Variants in FANCL observed in about 807,000 individuals in gnomAD.
FANCL encodes the protein FA complementation group L.
A neutral mutation model predicts 59.4 loss-of-function variants in FANCL; 69 were observed. That is an observed-to-expected ratio of 1.16 (90% CI 0.96 to 1.42). The LOEUF (loss-of-function observed/expected upper bound fraction) is 1.42, where lower values mean the gene tolerates loss of function less well. Ranked by LOEUF, FANCL falls within the 40% of genes most tolerant of loss-of-function variation. The pLI, the probability that FANCL is intolerant of heterozygous loss-of-function variation, is 0.00. For synonymous variants in FANCL, 180 were observed against 147.1 expected, an observed-to-expected ratio of 1.22 and a Z score of -1.62; for missense variants, 519 against 447.2, an observed-to-expected ratio of 1.16 and a Z score of -1.45.
intron 7 of FANCL, among the ~76,000 whole-genome samples, chr2:58,191,227 C>T (rs1688889925): frequency 6.6e-6 from 1 of 151,658 alleles, no homozygotes; most frequent in South Asian, 2.1e-4. Context: ...ATTATACTCG[C>T]ATTAAAATAA....
At chr2:58,220,764 A>G (rs1329122291) in intron 5 of FANCL, among the ~76,000 whole-genome samples, 1 of 152,238 alleles carries the variant, frequency 6.6e-6, no homozygotes, top group Non-Finnish European at 1.5e-5. Flanking sequence ...GATGAATAAT[A>G]AGATGTTTAA....
At chr2:58,161,433 A>G (rs1685145667) in intron 12 of FANCL, 89 bp downstream of exon 12, 3 of 879,518 alleles carry the variant, frequency 3.4e-6, no homozygotes, top group Admixed American at 3.4e-5. Context: ...TATTGACTCA[A>G]CAGATTTTAG....
chr2:58,221,171 G>C (rs1370173293), intron 5 of FANCL, among the ~76,000 whole-genome samples: 4 of 151,658 alleles, frequency 2.6e-5, no homozygotes, highest in Non-Finnish European at 4.4e-5. Flanking sequence ...CTAGGCAACA[G>C]AGCGAGACTC....
intron 7 of FANCL, among the ~76,000 whole-genome samples, chr2:58,171,134 C>G (rs1686562150): frequency 1.3e-5 from 2 of 152,172 alleles, no homozygotes; most frequent in South Asian, 4.1e-4. Flanking sequence ...AAGTAAAACA[C>G]TCTTCAGCAA....
At chr2:58,175,468 G>C (rs1238165519) in intron 7 of FANCL, among the ~76,000 whole-genome samples, 2 of 151,686 alleles carry the variant, frequency 1.3e-5, no homozygotes, top group Non-Finnish European at 2.9e-5. Flanking sequence ...TGGGATGCAA[G>C]GCTGGTTCAA....
intron 7 of FANCL, among the ~76,000 whole-genome samples, chr2:58,177,147 A>G (rs2104924756): frequency 6.6e-6 from 1 of 152,314 alleles, no homozygotes; most frequent in African/African-American, 2.4e-5. Flanking sequence ...GCTGGAGAGG[A>G]TGTGGAGAAA....
chr2:58,179,077 A>C (rs1375450680), intron 7 of FANCL, among the ~76,000 whole-genome samples: 2 of 152,176 alleles, frequency 1.3e-5, no homozygotes, highest in East Asian at 3.9e-4. Context: ...TCAAGGAAAT[A>C]AGAGAGGACA....
intron 5 of FANCL, among the ~76,000 whole-genome samples, chr2:58,215,900 G>A (rs1558804460): frequency 6.6e-6 from 1 of 151,678 alleles, no homozygotes; most frequent in African/African-American, 2.4e-5. Context: ...GAAAGGCAAT[G>A]AAAAACAAGA....
At chr2:58,222,663 A>C (rs530565786) in intron 4 of FANCL, among the ~76,000 whole-genome samples, 14 of 152,034 alleles carry the variant, frequency 9.2e-5, no homozygotes, top group Non-Finnish European at 1.9e-4. Flanking sequence ...ATGTTCTCCC[A>C]ACCAAAACTA....
intron 7 of FANCL, among the ~76,000 whole-genome samples, chr2:58,191,761 A>G (rs1252170336): frequency 2.6e-5 from 4 of 151,622 alleles, no homozygotes; most frequent in East Asian, 1.9e-4. Context: ...TTCTTTGCCC[A>G]TATTAGCTCT....
At chr2:58,185,349 G>A (rs1304131783) in intron 7 of FANCL, among the ~76,000 whole-genome samples, 1 of 152,040 alleles carries the variant, frequency 6.6e-6, no homozygotes, top group Admixed American at 6.6e-5. Flanking sequence ...TCCATGAAAA[G>A]ATCTGTATTT....
chr2:58,233,561 AT>A lies in FANCL; in HGVS notation c.97-1450del, dbSNP rs200862445. 1.4e-4 allele frequency among the ~76,000 whole-genome samples: 22 copies of A among 152,104 alleles called. No homozygotes were observed. The East Asian group carries it at 4.1e-3, about 28-fold the overall frequency. On this transcript the variant is annotated intron_variant, in intron 1 of 13. Coordinates refer to ENST00000233741, the MANE Select transcript of FANCL (RefSeq NM_018062.4). ...GAATAAATAAAACCACAAAAATCCC[AT>A]GTTTTCAGCCAGAAGACAGGGTACA...
At chr2:58,233,081 CA>C (rs1693727423) in intron 1 of FANCL, among the ~76,000 whole-genome samples, 1 of 151,870 alleles carries the variant, frequency 6.6e-6, no homozygotes, top group Non-Finnish European at 1.5e-5. Flanking sequence ...AAAAATGAAA[CA>C]AAATGTACTA....
At chr2:58,171,230 G>T (rs1192494778) in intron 7 of FANCL, among the ~76,000 whole-genome samples, 1 of 152,116 alleles carries the variant, frequency 6.6e-6, no homozygotes, top group Non-Finnish European at 1.5e-5. Flanking sequence ...ACTCAAAACT[G>T]CACAACTACA....
At chr2:58,204,883 A>C (rs1398644256) in intron 5 of FANCL, among the ~76,000 whole-genome samples, 1 of 152,108 alleles carries the variant, frequency 6.6e-6, no homozygotes, top group African/African-American at 2.4e-5. Context: ...GCTTTAAGTT[A>C]CCCTAAATGC....
intron 7 of FANCL, among the ~76,000 whole-genome samples, chr2:58,177,799 AAAAG>A (rs1164968647): frequency 6.1e-4 from 93 of 151,754 alleles, no homozygotes; most frequent in African/African-American, 2.1e-3. Context: ...GATTAAAAAA[AAAAG>A]AAAAAGAAAA....
chr2:58,205,945 C>T (rs190981696), intron 5 of FANCL, among the ~76,000 whole-genome samples: 2 of 152,036 alleles, frequency 1.3e-5, no homozygotes, highest in Non-Finnish European at 1.5e-5. Flanking sequence ...TTTATGTAGT[C>T]GTAAAAAATT....
chr2:58,171,920 G>A (rs926962549), intron 7 of FANCL, among the ~76,000 whole-genome samples: 29 of 152,314 alleles, frequency 1.9e-4, no homozygotes, highest in African/African-American at 5.5e-4. Context: ...GCGCTTTTCC[G>A]ACGGGTTTAA....
At chr2:58,162,582 G>A (rs529013677) in intron 11 of FANCL, among the ~76,000 whole-genome samples, 2 of 151,874 alleles carry the variant, frequency 1.3e-5, no homozygotes, top group Admixed American at 1.3e-4. Context: ...TGTATACAGA[G>A]GGCCGACTTC....
Sources: allele counts gnomAD v4.1 joint callset (sites outside exome capture counted in the v4.1 genomes callset), GRCh38; gene constraint gnomAD v4.1.1; transcripts MANE v1.5; gene names NCBI Gene and HGNC (gene_info 2026-07-23, HGNC 2026-07-21).